The following DENND2A variants were observed in gnomAD, a reference collection of about 807,000 sequenced individuals.
DENND2A encodes DENN domain-containing protein 2A.
Under a neutral mutation model 105.3 loss-of-function variants are expected in DENND2A, and 53 were observed. The observed-to-expected ratio is 0.50, with a 90% CI of 0.40 to 0.63. The LOEUF (loss-of-function observed/expected upper bound fraction) is 0.63. Ranked by LOEUF, DENND2A falls within the 30% of genes least tolerant of loss-of-function variation. DENND2A has a pLI of 0.00. For missense variants in DENND2A, 1,138 were observed against 1,279.6 expected (o/e 0.89, Z 1.69); for synonymous variants, 522 against 508.4 (o/e 1.03, Z -0.36).
chr7:140,600,923 G>C lies in DENND2A; in HGVS notation c.995+480C>G, dbSNP rs545610812. Among the ~76,000 whole-genome samples the C allele has an allele frequency of 2.0e-5, 3 of 152,254 alleles. No individual in the cohort carries two copies. In the South Asian group the frequency reaches 6.2e-4, roughly 32 times the overall value. On this transcript the variant is annotated intron_variant, in intron 3 of 19. Transcript: ENST00000496613. ...ATTTTAACGTTATAAAATATTCACA[G>C]TGCGTGCATCCATATGTATAAATGA...
chr7:140,526,073 C>A (rs546871138), intron 15 of DENND2A, among the ~76,000 whole-genome samples: 3 of 152,302 alleles, frequency 2.0e-5, no homozygotes, highest in South Asian at 4.2e-4. Context: ...CTGGCTGAGG[C>A]AGAGCTTCTC....
At chr7:140,591,666 T>C (rs139489815) in intron 3 of DENND2A, among the ~76,000 whole-genome samples, 39 of 145,558 alleles carry the variant, frequency 2.7e-4, no homozygotes, top group African/African-American at 1.0e-3. Flanking sequence ...TTTCTTTCTT[T>C]CTTTCTCTTT....
chr7:140,600,072 T>C lies in DENND2A; in HGVS notation c.995+1331A>G, dbSNP rs141195762. 4.2e-4 allele frequency among the ~76,000 whole-genome samples: 64 copies of C among 151,888 alleles called. No individual in the cohort carries two copies. In the South Asian group the frequency reaches 7.5e-3, roughly 18 times the overall value. On this transcript the variant is annotated intron_variant, in intron 3 of 19. Coordinates refer to ENST00000496613, the MANE Select transcript of DENND2A (RefSeq NM_015689.5). ...AAGGGGTATATGAAAAAGAGAGGAA[T>C]TGGAGATGACTTTTTAGGTTTGTGG...
In DENND2A at chr7:140,610,109, G is replaced by A. The variant is rs1459268303; in HGVS notation, c.-247-4303C>T. Among the ~76,000 whole-genome samples, 3 of 150,396 alleles carry A rather than the reference G, an allele frequency of 2.0e-5. No homozygotes were observed. In the East Asian group the frequency reaches 5.8e-4, roughly 29 times the overall value. On this transcript the variant is annotated intron_variant, in intron 1 of 19. Coordinates refer to ENST00000496613, the MANE Select transcript of DENND2A (RefSeq NM_015689.5). The stretch of plus-strand genomic sequence containing the variant: ...GCCTCCTGAGTAGCTGGGACTACAG[G>A]CATGCACCACCACATGTGGCTAATT...
At chr7:140,629,832 G>A (rs1800669895) in intron 1 of DENND2A, among the ~76,000 whole-genome samples, 1 of 151,408 alleles carries the variant, frequency 6.6e-6, no homozygotes, top group African/African-American at 2.4e-5. Flanking sequence ...CTCTCTACAT[G>A]GTGTCTTTTA....
intron 14 of DENND2A, chr7:140,543,445 C>G (rs1025183172): frequency 6.6e-6 from 1 of 151,718 alleles, no homozygotes. Context: ...TGTCTTTTCT[C>G]TGTTTTCCTA....
chr7:140,548,612 T>A (rs563141663), intron 12 of DENND2A, among the ~76,000 whole-genome samples: 4 of 148,570 alleles, frequency 2.7e-5, no homozygotes, highest in Non-Finnish European at 5.9e-5. Context: ...TTTTTTTACT[T>A]TATTTTTTAT....
At chr7:140,628,740 C>A (rs964633408) in intron 1 of DENND2A, among the ~76,000 whole-genome samples, 4 of 151,872 alleles carry the variant, frequency 2.6e-5, no homozygotes, top group Non-Finnish European at 5.9e-5. Context: ...CGGGGTTTCA[C>A]CATGTTGGTC....
intron 14 of DENND2A, among the ~76,000 whole-genome samples, chr7:140,528,717 A>C (rs1796147899): frequency 6.6e-6 from 1 of 150,658 alleles, no homozygotes; most frequent in Admixed American, 6.7e-5. Flanking sequence ...CTGAGATTAC[A>C]CCATTGCACT....
At chr7:140,576,867 C>T (rs1798320910) in intron 5 of DENND2A, among the ~76,000 whole-genome samples, 1 of 152,194 alleles carries the variant, frequency 6.6e-6, no homozygotes, top group Admixed American at 6.5e-5. Flanking sequence ...AATGCTCCTA[C>T]CATTGCACTG....
At chr7:140,541,626 T>A (rs992619507) in intron 14 of DENND2A, among the ~76,000 whole-genome samples, 2 of 152,234 alleles carry the variant, frequency 1.3e-5, no homozygotes, top group Non-Finnish European at 2.9e-5. Flanking sequence ...TTATTACTCA[T>A]CCTGGCTTCC....
In DENND2A at chr7:140,640,168, C is replaced by A. The variant is rs1801140006; in HGVS notation, c.-248+336G>T. ...ACACAAGCGCGCACACACACACACG[C>A]GCGCGCGCGGACACACACACACTCA... On this transcript the variant is annotated intron_variant, in intron 1 of 19. Transcript: ENST00000496613. This position sits in a 1 kb window ranked among gnomAD's most constrained non-coding sequence, Gnocchi z 4.9. The A allele has an allele frequency of 6.5e-6, 1 of 152,690 alleles. No homozygotes were observed. The highest frequency in any genetic ancestry group is 1.5e-5 in the Non-Finnish European group (1 of 68,598). The allele number at this position is 152,690 out of a possible 1,614,324, so 9.5% of individuals were successfully genotyped here.
chr7:140,586,650 C>T (rs1798796037), intron 4 of DENND2A, among the ~76,000 whole-genome samples: 1 of 152,156 alleles, frequency 6.6e-6, no homozygotes, highest in Non-Finnish European at 1.5e-5. Context: ...TGAAAGCATC[C>T]TCTTGGGCAG....
Position 140,533,016 on chromosome 7 carries a change from A to G in DENND2A, c.2328-5521T>C, listed in dbSNP as rs544799838. ...CTTTTTTTTTTTTTTTTTTTGAGACAGTGTCTCACTCTGTTGCCAGGCTGG... is the reference window on the plus strand; with the variant it reads ...CTTTTTTTTTTTTTTTTTTTGAGACGGTGTCTCACTCTGTTGCCAGGCTGG... On this transcript the variant is annotated intron_variant, in intron 14 of 19. Coordinates refer to ENST00000496613, the MANE Select transcript of DENND2A (RefSeq NM_015689.5). Among the ~76,000 whole-genome samples the G allele has an allele frequency of 2.1e-3, 288 of 134,066 alleles. 1 individual carries two copies. The highest frequency in any genetic ancestry group is 8.2e-3 in the African/African-American group (277 of 33,772). The allele number at this position is 134,066 out of a possible 152,430, so 88.0% of individuals were successfully genotyped here.
intron 6 of DENND2A, among the ~76,000 whole-genome samples, chr7:140,572,376 C>A (rs988004473): frequency 6.6e-6 from 1 of 152,034 alleles, no homozygotes; most frequent in Non-Finnish European, 1.5e-5. Flanking sequence ...CAGTGTCCCA[C>A]ACCGAAACTT....
chr7:140,549,888 G>C (rs896457469), intron 12 of DENND2A, among the ~76,000 whole-genome samples: 1 of 152,022 alleles, frequency 6.6e-6, no homozygotes. Context: ...TCAATCAATG[G>C]ATAAATGGAT....
At chr7:140,584,472 G>A (rs1020239154) in intron 5 of DENND2A, among the ~76,000 whole-genome samples, 1 of 152,142 alleles carries the variant, frequency 6.6e-6, no homozygotes. Flanking sequence ...TGGATGGAAG[G>A]GGCATTTGTA....
At chr7:140,544,905 A>G in intron 13 of DENND2A, 139 bp from the exon 14 acceptor site, 1 of 1,439,932 alleles carries the variant, frequency 6.9e-7, no homozygotes, top group Non-Finnish European at 9.1e-7. Flanking sequence ...AAAAAAAGCA[A>G]AACAAAAGGA....
At chr7:140,597,429 T>G (rs139975390) in intron 3 of DENND2A, among the ~76,000 whole-genome samples, 1 of 152,222 alleles carries the variant, frequency 6.6e-6, no homozygotes, top group African/African-American at 2.4e-5. Flanking sequence ...ATAAAGAGCA[T>G]ACTTTATTTT....
Sources: gnomAD v4.1 joint callset for allele counts (sites outside exome capture counted in the v4.1 genomes callset) on GRCh38, gnomAD v4.1.1 for gene constraint, Gnocchi (gnomAD v3.1) non-coding constraint, MANE v1.5 for transcripts, NCBI Gene and HGNC (gene_info 2026-07-23, HGNC 2026-07-21) for gene names.